The following FBLN1 variants were observed in gnomAD, a reference collection of about 807,000 sequenced individuals.
FBLN1 encodes fibulin-1.
Under a neutral mutation model 89.7 loss-of-function variants are expected in FBLN1, and 34 were observed. The ratio of observed to expected loss-of-function variants is 0.38; its 90% CI spans 0.29 to 0.50. The LOEUF is 0.50. Ranked by LOEUF, FBLN1 falls within the 20% of genes least tolerant of loss-of-function variation. The probability of loss-of-function intolerance (pLI) is 0.92; values close to 1 mark genes in which losing one functional copy is unlikely to be tolerated. For missense variants in FBLN1, 777 were observed against 988.1 expected (o/e 0.79, Z 2.86); for synonymous variants, 393 against 391.3 (o/e 1.00, Z -0.05).
At chr22:45,555,118 G>A (rs564053404) in intron 14 of FBLN1, among the ~76,000 whole-genome samples, 1 of 151,788 alleles carries the variant, frequency 6.6e-6, no homozygotes, top group Non-Finnish European at 1.5e-5. Context: ...ACCCGTCCCC[G>A]TCTCCACCCC....
intron 10 of FBLN1, 149 bp from the exon 11 acceptor site, chr22:45,543,252 C>T (rs969407555): frequency 1.3e-5 from 12 of 957,506 alleles, no homozygotes; most frequent in African/African-American, 9.7e-5. Flanking sequence ...GGAGACAGAG[C>T]GAGACTCCAT....
At chr22:45,595,915 G>A (rs1381453728) in intron 16 of FBLN1, among the ~76,000 whole-genome samples, 1 of 152,270 alleles carries the variant, frequency 6.6e-6, no homozygotes, top group Non-Finnish European at 1.5e-5. Flanking sequence ...TGTCGCCCAG[G>A]CTAGAGTGCA....
chr22:45,598,729 T>C (rs3827397), intron 16 of FBLN1, among the ~76,000 whole-genome samples: 1 of 152,192 alleles, frequency 6.6e-6, no homozygotes, highest in Non-Finnish European at 1.5e-5. Flanking sequence ...AGCACCTGTT[T>C]AGCACATGTG....
At chr22:45,573,793 G>T (rs1382173847) in intron 14 of FBLN1, among the ~76,000 whole-genome samples, 1 of 152,046 alleles carries the variant, frequency 6.6e-6, no homozygotes, top group Non-Finnish European at 1.5e-5. Context: ...CGGGGCGTTT[G>T]GTGGCTGGCC....
intron 1 of FBLN1, among the ~76,000 whole-genome samples, chr22:45,513,444 T>C (rs1262681936): frequency 6.6e-6 from 1 of 151,932 alleles, no homozygotes; most frequent in African/African-American, 2.4e-5. Context: ...GTAGCTGGGA[T>C]TGCAAGCTCA....
rs536713847 is a variant in FBLN1, at chr22:45,562,333, G to C, written c.1697+11718G>C. On this transcript the variant is annotated intron_variant, in intron 14 of 16. Transcript: ENST00000327858. The surrounding 1 kb of genome is among the most constrained non-coding windows in gnomAD (Gnocchi z 7.8). The stretch of plus-strand genomic sequence containing the variant: ...GCGATATGGCTCCCTCACTCACTCT[G>C]TGACCTTGGGAAGTGGGAAGGCCAC... 6.6e-6 allele frequency among the ~76,000 whole-genome samples: 1 copy of C among 152,332 alleles called. No homozygotes were observed. Among genetic ancestry groups the C allele is most frequent in the East Asian group, 1.9e-4 (1 of 5,186 alleles).
intron 1 of FBLN1, chr22:45,503,626 T>G (rs2087978402): frequency 6.6e-6 from 1 of 152,560 alleles, no homozygotes; most frequent in Non-Finnish European, 1.5e-5. Context: ...GGGAGCAGCC[T>G]GGAGGTTTTT....
chr22:45,541,585 T>C (rs2088557028), intron 9 of FBLN1, among the ~76,000 whole-genome samples: 1 of 152,222 alleles, frequency 6.6e-6, no homozygotes, highest in African/African-American at 2.4e-5. Flanking sequence ...TGGCTTGTCC[T>C]GAGCCCAAAG....
At position 45,572,432 on chromosome 22, in the gene FBLN1, T is replaced by A. The variant is rs1042302563; in HGVS notation, c.1698-2079T>A. 3.3e-5 allele frequency among the ~76,000 whole-genome samples: 5 copies of A among 152,330 alleles called. No individual in the cohort carries two copies. Among genetic ancestry groups the A allele is most frequent in the African/African-American group, 1.2e-4 (5 of 41,574 alleles). Reference sequence around the variant, plus strand: ...TTCCATCATGGGTTCATACTGATTTTTTTTTCCCCAAAAATCCTTTGGAGA... The same window carrying A: ...TTCCATCATGGGTTCATACTGATTTATTTTTCCCCAAAAATCCTTTGGAGA... On this transcript the variant is annotated intron_variant, in intron 14 of 16. Transcript: ENST00000327858. The surrounding 1 kb of genome is among the most constrained non-coding windows in gnomAD (Gnocchi z 5.8).
chr22:45,570,910 A>G (rs1359221773), intron 14 of FBLN1, among the ~76,000 whole-genome samples: 1 of 152,114 alleles, frequency 6.6e-6, no homozygotes, highest in East Asian at 1.9e-4. Context: ...GCAGATCACA[A>G]GGTCAGGATT....
chr22:45,586,490 C>T (rs1031911387), intron 16 of FBLN1, among the ~76,000 whole-genome samples: 5 of 152,236 alleles, frequency 3.3e-5, no homozygotes, highest in African/African-American at 9.6e-5. Context: ...TCACCGTGGA[C>T]GGGACCGTCA....
rs1392369620 is a variant in FBLN1 at position 45,536,174 on chromosome 22, AAAAAT to A, written c.922+849_922+853del. ...GGGCAACAGAGCAAGACCCTGTCTCAAAAATAAAATAAAATATAAAAATAAAAAAC... is the reference window on the plus strand; with the variant it reads ...GGGCAACAGAGCAAGACCCTGTCTCAAAAATAAAATATAAAAATAAAAAAC... On this transcript the variant is annotated intron_variant, in intron 8 of 16. Coordinates refer to ENST00000327858, the MANE Select transcript of FBLN1 (RefSeq NM_006486.3). This position sits in a 1 kb window ranked among gnomAD's most constrained non-coding sequence, Gnocchi z 5.1. Among the ~76,000 whole-genome samples, 2 of 152,216 alleles carry A rather than the reference AAAAAT, an allele frequency of 1.3e-5. No homozygotes were observed. The highest frequency in any genetic ancestry group is 4.8e-5 in the African/African-American group (2 of 41,450).
intron 3 of FBLN1, 36 bp from the exon 4 acceptor site, chr22:45,527,811 C>T (rs1304649237): frequency 1.1e-5 from 18 of 1,611,960 alleles, no homozygotes; most frequent in African/African-American, 8.0e-5. Context: ...GCTGTCTGCC[C>T]GCTCCTCCAT....
chr22:45,527,784 C>T, intron 3 of FBLN1, 63 bp from the exon 4 acceptor site: 1 of 1,599,098 alleles, frequency 6.3e-7, no homozygotes, highest in South Asian at 1.1e-5. Context: ...CCTGAGGCCT[C>T]TCGTGGACCC....
intron 2 of FBLN1, among the ~76,000 whole-genome samples, chr22:45,521,975 G>A (rs902647925): frequency 4.6e-5 from 7 of 152,026 alleles, no homozygotes; most frequent in Admixed American, 4.6e-4. Context: ...TGTCTGTTGT[G>A]TTAGCCAGCT....
At chr22:45,592,099 C>T (rs913078951) in intron 16 of FBLN1, among the ~76,000 whole-genome samples, 1 of 152,284 alleles carries the variant, frequency 6.6e-6, no homozygotes, top group South Asian at 2.1e-4. Context: ...AACCTGCGGC[C>T]CTGTTAGCTC....
intron 16 of FBLN1, among the ~76,000 whole-genome samples, chr22:45,582,066 A>C (rs1444978516): frequency 6.6e-6 from 1 of 152,088 alleles, no homozygotes; most frequent in Non-Finnish European, 1.5e-5. Flanking sequence ...GGTTGTACCC[A>C]CTCAGCAGGT....
chr22:45,567,871 T>C (rs2088912423), intron 14 of FBLN1, among the ~76,000 whole-genome samples: 1 of 152,170 alleles, frequency 6.6e-6, no homozygotes, highest in African/African-American at 2.4e-5. Flanking sequence ...GAAAGTGTAC[T>C]AGGTGCTTTG....
rs542647353 is a variant in FBLN1 at position 45,571,111 on chromosome 22, C to CA, written c.1698-3375dup. ...ATTCCAGCCTGGGAAACAAGAGTCTCAAAAAAAAAAAAAAAAAAAAAAAAA... is the reference window on the plus strand; with the variant it reads ...ATTCCAGCCTGGGAAACAAGAGTCTCAAAAAAAAAAAAAAAAAAAAAAAAAA... On this transcript the variant is annotated intron_variant, in intron 14 of 16. Transcript: ENST00000327858. 5.7e-3 allele frequency among the ~76,000 whole-genome samples: 404 copies of CA among 70,720 alleles called. 2 individuals are homozygous for CA. Among genetic ancestry groups the CA allele is most frequent in the East Asian group, 0.014 (33 of 2,342 alleles). The allele number at this position is 70,720 out of a possible 152,430, so 46.4% of individuals were successfully genotyped here. A position where few individuals can be genotyped will look rare whatever the true frequency, so the allele number is the denominator to read the frequency against.
Sources: gnomAD v4.1 joint callset for allele counts (sites outside exome capture counted in the v4.1 genomes callset) on GRCh38, gnomAD v4.1.1 for gene constraint, Gnocchi (gnomAD v3.1) non-coding constraint, MANE v1.5 for transcripts, NCBI Gene and HGNC (gene_info 2026-07-23, HGNC 2026-07-21) for gene names.